KCNIP4: variants seen among roughly 807,000 people sequenced by gnomAD.
KCNIP4 encodes Kv channel-interacting protein 4.
A neutral mutation model predicts 34.0 loss-of-function variants in KCNIP4; 12 were observed. The ratio of observed to expected loss-of-function variants is 0.35; its 90% CI spans 0.23 to 0.57. KCNIP4 has a LOEUF of 0.57. KCNIP4 is among the 20% of genes least tolerant of loss of function. The pLI, the probability that KCNIP4 is intolerant of heterozygous loss-of-function variation, is 0.83. For synonymous variants in KCNIP4, 124 were observed against 102.2 expected (o/e 1.21, Z -1.29); for missense variants, 238 against 311.7 (o/e 0.76, Z 1.78).
intron 1 of KCNIP4, among the ~76,000 whole-genome samples, chr4:21,882,129 T>C (rs769604030): frequency 1.3e-5 from 2 of 152,184 alleles, no homozygotes; most frequent in Non-Finnish European, 2.9e-5. Flanking sequence ...GTATGTGAGA[T>C]GTTACCTCCT....
intron 1 of KCNIP4, among the ~76,000 whole-genome samples, chr4:21,070,837 G>A (rs1484147403): frequency 6.0e-5 from 9 of 151,260 alleles, no homozygotes; most frequent in Admixed American, 4.6e-4. Flanking sequence ...TACCATGCAC[G>A]GCTAATTTTT....
chr4:21,725,574 T>C (rs1715137047), intron 1 of KCNIP4, among the ~76,000 whole-genome samples: 1 of 152,138 alleles, frequency 6.6e-6, no homozygotes, highest in South Asian at 2.1e-4. Flanking sequence ...GATTACTGCT[T>C]TGGAATAAGG....
intron 1 of KCNIP4, among the ~76,000 whole-genome samples, chr4:21,028,319 A>G (rs994573040): frequency 1.3e-5 from 2 of 152,270 alleles, no homozygotes; most frequent in African/African-American, 2.4e-5. Context: ...TTTAAAATAG[A>G]AGTCAGATCT....
At position 21,192,946 on chromosome 4, in the gene KCNIP4, C is replaced by CTAA. The variant is rs1408633336; in HGVS notation, c.62-310238_62-310237insTTA. On this transcript the variant is annotated intron_variant, in intron 1 of 8. Transcript: ENST00000382152. ...ACTACTACTACTACTACTACTACTA[C>CTAA]TACTACTAATAATAATAATAATTAG... is the stretch of plus-strand genomic sequence containing the variant. Among the ~76,000 whole-genome samples, 135 of 145,038 alleles carry CTAA rather than the reference C, an allele frequency of 9.3e-4. 1 individual carries two copies. The highest frequency in any genetic ancestry group is 7.1e-3 in the Middle Eastern group (2 of 282).
At chr4:21,242,209 A>ACT (rs1158910241) in intron 1 of KCNIP4, among the ~76,000 whole-genome samples, 2 of 150,408 alleles carry the variant, frequency 1.3e-5, no homozygotes, top group Admixed American at 6.6e-5. Flanking sequence ...ATGTTCCTTA[A>ACT]CTCTCAGGGT....
chr4:21,379,349 G>A (rs758784873), intron 1 of KCNIP4, among the ~76,000 whole-genome samples: 5 of 152,062 alleles, frequency 3.3e-5, no homozygotes, highest in Non-Finnish European at 5.9e-5. Context: ...GTCTTCTACC[G>A]TTCTGCATGC....
intron 1 of KCNIP4, among the ~76,000 whole-genome samples, chr4:20,997,503 A>C (rs1737662742): frequency 6.6e-6 from 1 of 152,182 alleles, no homozygotes; most frequent in African/African-American, 2.4e-5. Context: ...AATAATTAAA[A>C]GGTATTGTAG....
At chr4:21,304,831 A>G (rs1389401835) in intron 1 of KCNIP4, among the ~76,000 whole-genome samples, 3 of 152,204 alleles carry the variant, frequency 2.0e-5, no homozygotes, top group Non-Finnish European at 4.4e-5. Context: ...TTTGCATAGT[A>G]TCTTAGAGTT....
At chr4:20,861,970 GTTATTATTATTATTA>G (rs57269885) in intron 2 of KCNIP4, among the ~76,000 whole-genome samples, 4 of 142,110 alleles carry the variant, frequency 2.8e-5, no homozygotes, top group South Asian at 2.3e-4. Flanking sequence ...TATGGTAGGA[GTTATTATTATTATTA>G]TTATTATTAT....
chr4:20,780,494 C>T (rs1418658451), intron 3 of KCNIP4, among the ~76,000 whole-genome samples: 1 of 152,152 alleles, frequency 6.6e-6, no homozygotes, highest in Non-Finnish European at 1.5e-5. Context: ...CCAGTAATAA[C>T]ATGAGACGCC....
intron 1 of KCNIP4, among the ~76,000 whole-genome samples, chr4:20,975,953 A>G (rs532351222): frequency 2.6e-5 from 4 of 152,240 alleles, no homozygotes; most frequent in African/African-American, 2.4e-5. Context: ...ATCTGTTTGC[A>G]TATTATCTAC....
intron 1 of KCNIP4, among the ~76,000 whole-genome samples, chr4:20,955,056 G>A (rs1356983245): frequency 1.3e-5 from 2 of 152,264 alleles, no homozygotes; most frequent in East Asian, 3.9e-4. Flanking sequence ...CAGGGTAGAG[G>A]AAGCATAGTT....
chr4:20,863,557 G>T (rs1164468318), intron 2 of KCNIP4, among the ~76,000 whole-genome samples: 1 of 152,178 alleles, frequency 6.6e-6, no homozygotes, highest in African/African-American at 2.4e-5. Context: ...CCCCAGGCAA[G>T]AAGGGAGTCT....
chr4:21,615,476 G>A (rs895088238), intron 1 of KCNIP4, among the ~76,000 whole-genome samples: 2 of 151,898 alleles, frequency 1.3e-5, no homozygotes, highest in African/African-American at 4.8e-5. Context: ...TACCTGGGAG[G>A]TAGAGCTTGC....
chr4:20,910,312 T>G (rs1288893879), intron 1 of KCNIP4, among the ~76,000 whole-genome samples: 1 of 151,964 alleles, frequency 6.6e-6, no homozygotes, highest in Non-Finnish European at 1.5e-5. Flanking sequence ...TATCTGTTAC[T>G]TGAAGGGGAG....
intron 1 of KCNIP4, among the ~76,000 whole-genome samples, chr4:21,625,016 C>G (rs1432559384): frequency 6.6e-6 from 1 of 151,844 alleles, no homozygotes; most frequent in Admixed American, 6.6e-5. Flanking sequence ...TTTTTTTTAA[C>G]CAAAATGATC....
At chr4:21,370,884 T>TACAC (rs1360484906) in intron 1 of KCNIP4, among the ~76,000 whole-genome samples, 7 of 83,126 alleles carry the variant, frequency 8.4e-5, no homozygotes, top group Non-Finnish European at 1.4e-4. Context: ...CACACACACG[T>TACAC]GTGTGTGTGT....
At chr4:20,931,887 G>C (rs11946297) in intron 1 of KCNIP4, among the ~76,000 whole-genome samples, 1,605 of 147,156 alleles carry the variant, frequency 0.011, 69 homozygotes, top group African/African-American at 0.036. Flanking sequence ...TAGTCTATAA[G>C]AGTCTAATAT....
chr4:20,783,855 T>C (rs542798138), intron 3 of KCNIP4, among the ~76,000 whole-genome samples: 7 of 152,212 alleles, frequency 4.6e-5, no homozygotes, highest in East Asian at 1.9e-4. Context: ...AGTGATATTA[T>C]TGGGAAACCA....
Sources: gnomAD v4.1 joint callset for allele counts (sites outside exome capture counted in the v4.1 genomes callset) on GRCh38, gnomAD v4.1.1 for gene constraint, MANE v1.5 for transcripts, NCBI Gene and HGNC (gene_info 2026-07-23, HGNC 2026-07-21) for gene names.